The following GRAMD1B variants were observed in gnomAD, a reference collection of about 807,000 sequenced individuals.
The protein encoded by GRAMD1B is protein Aster-B.
Under a neutral mutation model 99.7 loss-of-function variants are expected in GRAMD1B, and 37 were observed. The observed-to-expected ratio is 0.37, with a 90% CI of 0.29 to 0.49. GRAMD1B has a LOEUF of 0.49. Among genes scored for constraint, GRAMD1B ranks in the 20% least tolerant of loss-of-function variants. The pLI is 0.98. For missense variants in GRAMD1B, 888 were observed against 1,009.2 expected (o/e 0.88, Z 1.63); for synonymous variants, 427 against 387.6 (o/e 1.10, Z -1.19).
intron 1 of GRAMD1B, among the ~76,000 whole-genome samples, chr11:123,436,678 C>T (rs1949174736): frequency 6.6e-6 from 1 of 152,140 alleles, no homozygotes; most frequent in South Asian, 2.1e-4. Flanking sequence ...GAGGTGAAGG[C>T]CTGGAGTCTT....
chr11:123,522,777 C>T lies in GRAMD1B; in HGVS notation c.452+41884C>T, dbSNP rs116336687. On this transcript the variant is annotated intron_variant, in intron 2 of 19. Coordinates refer to ENST00000635736, the MANE Select transcript of GRAMD1B (RefSeq NM_001387025.1). ...TCTTCCTTCCCTTTTGGGTTCCTCA[C>T]ATCACACACAGACACTCAAGCCAGC... Among the ~76,000 whole-genome samples the T allele has an allele frequency of 2.1e-3, 318 of 152,300 alleles. 1 individual carries two copies. Among genetic ancestry groups the T allele is most frequent in the African/African-American group, 7.4e-3 (306 of 41,566 alleles).
chr11:123,496,995 G>C (rs1939362938), intron 2 of GRAMD1B, among the ~76,000 whole-genome samples: 1 of 152,112 alleles, frequency 6.6e-6, no homozygotes, highest in African/African-American at 2.4e-5. Flanking sequence ...TGTTTTCCTA[G>C]ATGTGGTGTT....
At chr11:123,503,367 C>A (rs1228770118) in intron 2 of GRAMD1B, among the ~76,000 whole-genome samples, 1 of 152,178 alleles carries the variant, frequency 6.6e-6, no homozygotes, top group Non-Finnish European at 1.5e-5. Context: ...CAGACCAGAG[C>A]TAGCTTTGCA....
intron 1 of GRAMD1B, among the ~76,000 whole-genome samples, chr11:123,442,866 CA>C (rs200985337): frequency 6.7e-6 from 1 of 150,282 alleles, no homozygotes; most frequent in African/African-American, 2.5e-5. Flanking sequence ...TGCCCCCCCC[CA>C]CCCCTTTTAG....
chr11:123,597,256 CTTTTTTTTT>C (rs71060518), intron 7 of GRAMD1B, among the ~76,000 whole-genome samples: 4 of 76,546 alleles, frequency 5.2e-5, no homozygotes, highest in African/African-American at 2.5e-4. Flanking sequence ...GCCACTATGC[CTTTTTTTTT>C]TTTTTTTTTT....
intron 1 of GRAMD1B, among the ~76,000 whole-genome samples, chr11:123,456,995 C>T (rs1222185917): frequency 1.3e-5 from 2 of 150,508 alleles, no homozygotes; most frequent in African/African-American, 4.9e-5. Flanking sequence ...GCCTGTGGTC[C>T]CAGGTACTCG....
chr11:123,439,261 C>T (rs1949300939), intron 1 of GRAMD1B, among the ~76,000 whole-genome samples: 5 of 152,212 alleles, frequency 3.3e-5, no homozygotes, highest in African/African-American at 1.2e-4. Context: ...AACAGAAAAT[C>T]GAATGTGGGT....
At chr11:123,580,348 C>T (rs1019648734) in intron 3 of GRAMD1B, among the ~76,000 whole-genome samples, 3 of 152,186 alleles carry the variant, frequency 2.0e-5, no homozygotes, top group African/African-American at 2.4e-5. Context: ...CCCCGTGGAA[C>T]ATCTTCTGGG....
chr11:123,531,186 G>T (rs1292856020), intron 2 of GRAMD1B, among the ~76,000 whole-genome samples: 1 of 152,164 alleles, frequency 6.6e-6, no homozygotes, highest in East Asian at 1.9e-4. Context: ...TATTCTGTGG[G>T]ATGGGAATTG....
intron 1 of GRAMD1B, among the ~76,000 whole-genome samples, chr11:123,389,551 C>T (rs187324236): frequency 1.1e-4 from 17 of 152,114 alleles, no homozygotes; most frequent in African/African-American, 4.1e-4. Context: ...GGATGGAATC[C>T]TGGAATGGAA....
At chr11:123,500,683 A>T (rs1939763766) in intron 2 of GRAMD1B, among the ~76,000 whole-genome samples, 1 of 149,066 alleles carries the variant, frequency 6.7e-6, no homozygotes. Flanking sequence ...AAACCTTTTT[A>T]TTTTTTTTTT....
intron 2 of GRAMD1B, among the ~76,000 whole-genome samples, chr11:123,498,099 T>C (rs2714080): frequency 0.15 from 23,176 of 151,948 alleles, 1,878 homozygotes; most frequent in Middle Eastern, 0.21. Flanking sequence ...TTGTGATGAA[T>C]GCTGCCAGGC....
intron 1 of GRAMD1B, among the ~76,000 whole-genome samples, chr11:123,475,270 G>A (rs1053123176): frequency 3.3e-5 from 5 of 152,182 alleles, no homozygotes; most frequent in African/African-American, 7.2e-5. Flanking sequence ...CTTGTGGAGC[G>A]TGCTTTGGCT....
chr11:123,515,433 A>G (rs1941580591), intron 2 of GRAMD1B, among the ~76,000 whole-genome samples: 1 of 152,336 alleles, frequency 6.6e-6, no homozygotes, highest in South Asian at 2.1e-4. Context: ...GGCAATACTC[A>G]TTAGAGCATT....
intron 1 of GRAMD1B, among the ~76,000 whole-genome samples, chr11:123,367,375 G>A (rs192337507): frequency 1.2e-4 from 19 of 152,312 alleles, no homozygotes; most frequent in Admixed American, 2.0e-4. Flanking sequence ...TCATAGGAAC[G>A]CCAAGTCCAG....
chr11:123,613,312 C>A, intron 15 of GRAMD1B, 143 bp from the exon 16 acceptor site: 1 of 633,386 alleles, frequency 1.6e-6, no homozygotes, highest in South Asian at 2.0e-5. Flanking sequence ...CCCACAAGTA[C>A]CTCCTGAGGC....
intron 1 of GRAMD1B, among the ~76,000 whole-genome samples, chr11:123,422,551 G>T (rs745794212): frequency 1.3e-5 from 2 of 152,170 alleles, no homozygotes; most frequent in African/African-American, 2.4e-5. Context: ...CAAACATGCT[G>T]TCCTATCAGA....
At chr11:123,561,179 T>A (rs1169983287) in intron 2 of GRAMD1B, among the ~76,000 whole-genome samples, 2 of 152,140 alleles carry the variant, frequency 1.3e-5, no homozygotes, top group African/African-American at 4.8e-5. Flanking sequence ...GAGGAATGAA[T>A]TAGTGGCACA....
At chr11:123,599,711 G>A (rs1226126941) in intron 7 of GRAMD1B, among the ~76,000 whole-genome samples, 3 of 152,202 alleles carry the variant, frequency 2.0e-5, no homozygotes, top group African/African-American at 7.2e-5. Flanking sequence ...GACCTCAGGT[G>A]ATCCACCCAC....
Sources: gnomAD v4.1 joint callset for allele counts (sites outside exome capture counted in the v4.1 genomes callset) on GRCh38, gnomAD v4.1.1 for gene constraint, MANE v1.5 for transcripts, NCBI Gene and HGNC (gene_info 2026-07-23, HGNC 2026-07-21) for gene names.